DMBT1: variants seen among roughly 807,000 people sequenced by gnomAD.
DMBT1 encodes scavenger receptor cysteine-rich domain-containing protein DMBT1.
A neutral mutation model predicts 252.9 loss-of-function variants in DMBT1; 198 were observed. The observed-to-expected ratio is 0.78, with a 90% CI of 0.70 to 0.88. The LOEUF (loss-of-function observed/expected upper bound fraction) is 0.88. Among genes scored for constraint, DMBT1 ranks in the 40% least tolerant of loss-of-function variants. DMBT1 has a pLI of 0.00. For missense variants in DMBT1, 2,432 were observed against 2,404.7 expected, an observed-to-expected ratio of 1.01 and a Z score of -0.24; for synonymous variants, 990 against 942.7, an observed-to-expected ratio of 1.05 and a Z score of -0.92.
chr10:122,619,383 C>G, intron 42 of DMBT1, 46 bp downstream of exon 42: 1 of 1,612,442 alleles, frequency 6.2e-7, no homozygotes, highest in Non-Finnish European at 8.5e-7. Flanking sequence ...CTCTTTCTGC[C>G]CAGTTACCTC....
chr10:122,618,833 G>T (rs1265373371), intron 41 of DMBT1, among the ~76,000 whole-genome samples: 1 of 152,238 alleles, frequency 6.6e-6, no homozygotes, highest in Non-Finnish European at 1.5e-5. Flanking sequence ...TTTGTGTCAG[G>T]CCTGCTTGGA....
intron 54 of DMBT1, among the ~76,000 whole-genome samples, chr10:122,639,039 T>C (rs1225517554): frequency 6.6e-6 from 1 of 152,154 alleles, no homozygotes; most frequent in East Asian, 1.9e-4. Flanking sequence ...GACATAGAAG[T>C]AGGGCTGTGC....
chr10:122,578,787 G>T, intron 9 of DMBT1, 28 bp downstream of exon 9: 1 of 1,590,494 alleles, frequency 6.3e-7, no homozygotes. Context: ...CACTCCCTGG[G>T]GCTCACTTTC....
At position 122,576,197 on chromosome 10, in the gene DMBT1, G is replaced by A. The variant is rs528834639; in HGVS notation, c.284-202G>A. ...AGCCTTTTATTCTGCTCCAGCTGAA[G>A]CTCTAAGGCTTGGGTTTGGGCCAAG... On this transcript the variant is annotated intron_variant, in intron 6 of 55. Transcript: ENST00000338354. Among the ~76,000 whole-genome samples the A allele has an allele frequency of 3.9e-5, 6 of 152,284 alleles. No individual in the cohort carries two copies. In the South Asian group the frequency reaches 1.2e-3, roughly 32 times the overall value.
At chr10:122,567,221 G>A (rs3019523) in intron 2 of DMBT1, among the ~76,000 whole-genome samples, 101,965 of 152,092 alleles carry the variant, frequency 0.67, 34,546 homozygotes, top group East Asian at 0.78. Flanking sequence ...CAGGGAGACC[G>A]AGCACTCTCC....
Position 122,599,923 on chromosome 10 carries a change from G to A in DMBT1, c.3281-141G>A, listed in dbSNP as rs183927396. ...TTACATGGTGCATCTCTGTGGGGAT[G>A]TGCATGGCAATGCCCCTCCCTGTGT... On this transcript the variant is annotated intron_variant, in intron 26 of 55. Coordinates refer to ENST00000338354, the MANE Select transcript of DMBT1 (RefSeq NM_001377530.1). 591 of 1,264,260 alleles carry A rather than the reference G, an allele frequency of 4.7e-4. 4 individuals are homozygous for A. In the African/African-American group the frequency reaches 7.6e-3, roughly 16 times the overall value. The allele number at this position is 1,264,260 out of a possible 1,614,324, so 78.3% of individuals were successfully genotyped here.
intron 1 of DMBT1, among the ~76,000 whole-genome samples, chr10:122,563,789 T>C (rs2097567950): frequency 6.6e-6 from 1 of 152,248 alleles, no homozygotes; most frequent in East Asian, 1.9e-4. Flanking sequence ...CAATGTGGTG[T>C]TCCATGCTGT....
intron 19 of DMBT1, among the ~76,000 whole-genome samples, 152 bp from the exon 20 acceptor site, chr10:122,592,120 T>G (rs1246296168): frequency 6.7e-6 from 1 of 148,466 alleles, no homozygotes; most frequent in Non-Finnish European, 1.5e-5. Flanking sequence ...CCTTCCAGTA[T>G]GATGAAGCTG....
Position 122,572,306 on chromosome 10 carries a change from C to A in DMBT1, c.188-8C>A. On this transcript the variant is annotated splice_polypyrimidine_tract_variant and splice_region_variant and intron_variant, in intron 4 of 55. Transcript: ENST00000338354. ...CATCAATGAGCTCTTCCTTTCTCCACCCTGCAGGTTCTCCGATTTCCTTGG... is the reference window on the plus strand; with the variant it reads ...CATCAATGAGCTCTTCCTTTCTCCAACCTGCAGGTTCTCCGATTTCCTTGG... The A allele has an allele frequency of 6.2e-7, 1 of 1,613,276 alleles. No individual in the cohort carries two copies. Among genetic ancestry groups the A allele is most frequent in the East Asian group, 2.2e-5 (1 of 44,866 alleles).
intron 9 of DMBT1, 58 bp from the exon 10 acceptor site, chr10:122,579,515 ACTTAC>A: frequency 6.2e-7 from 1 of 1,609,736 alleles, no homozygotes; most frequent in Non-Finnish European, 8.5e-7. Context: ...TGAGTGTGGA[ACTTAC>A]CTTAGATTCT....
intron 52 of DMBT1, among the ~76,000 whole-genome samples, chr10:122,633,817 A>G (rs1462492220): frequency 1.3e-5 from 2 of 152,220 alleles, no homozygotes; most frequent in Admixed American, 6.5e-5. Flanking sequence ...CTTAGGGGCA[A>G]TAATAGCACT....
intron 42 of DMBT1, 138 bp downstream of exon 42, chr10:122,619,475 G>A (rs1261680914): frequency 2.1e-5 from 24 of 1,129,954 alleles, no homozygotes; most frequent in Middle Eastern, 2.0e-4. Context: ...CTCTGTAACT[G>A]AGACCCCAGC....
chr10:122,599,849 G>T (rs962181938), intron 26 of DMBT1, among the ~76,000 whole-genome samples: 8 of 151,978 alleles, frequency 5.3e-5, no homozygotes, highest in Non-Finnish European at 8.8e-5. Flanking sequence ...GCAGACACAA[G>T]TTGATCACCT....
intron 26 of DMBT1, 72 bp downstream of exon 26, chr10:122,599,169 C>T: frequency 6.2e-7 from 1 of 1,607,704 alleles, no homozygotes; most frequent in Non-Finnish European, 8.5e-7. Context: ...TAATTACATT[C>T]TGATCTCCTC....
chr10:122,588,824 T>C, intron 16 of DMBT1, 120 bp from the exon 17 acceptor site: 1 of 1,510,692 alleles, frequency 6.6e-7, no homozygotes, highest in Non-Finnish European at 9.0e-7. Flanking sequence ...CAGTCATCTT[T>C]AATCGTGACT....
intron 54 of DMBT1, among the ~76,000 whole-genome samples, chr10:122,639,379 C>T (rs1844079095): frequency 6.6e-6 from 1 of 152,036 alleles, no homozygotes; most frequent in Non-Finnish European, 1.5e-5. Flanking sequence ...TACCTGGGTG[C>T]AGGTGGGCTG....
Position 122,640,165 on chromosome 10 carries a change from C to T in DMBT1, c.7068C>T (p.Asp2356=). The change falls in exon 55 of 56, where the codon GAC becomes GAT. Residue 2356 remains aspartate (D), a synonymous_variant. Coordinates refer to ENST00000338354, the MANE Select transcript of DMBT1 (RefSeq NM_001377530.1). ...GAATGCTTCAGAACACCTGGGTCGA[C>T]ACCATGTACATTGCTAATGACACCA... ...SCRMLQNTWV[D]TMYIANDTIH... 5.0e-6 allele frequency: 8 copies of T among 1,614,086 alleles called. No individual in the cohort carries two copies. Among genetic ancestry groups the T allele is most frequent in the Non-Finnish European group, 5.9e-6 (7 of 1,179,902 alleles).
chr10:122,631,420 G>A (rs984836064), intron 49 of DMBT1, 139 bp downstream of exon 49: 2 of 1,078,674 alleles, frequency 1.9e-6, no homozygotes, highest in Admixed American at 2.4e-5. Flanking sequence ...CTCCAGAAGA[G>A]CATGCAGGGG....
rs369524428 is a variant in DMBT1 at position 122,591,534 on chromosome 10, C to T, written c.2176+17C>T. The T allele has an allele frequency of 1.8e-5, 28 of 1,580,988 alleles. 1 individual carries two copies. In the African/African-American group the frequency reaches 3.5e-4, roughly 20 times the overall value. On this transcript the variant is annotated intron_variant, in intron 19 of 55. Coordinates refer to ENST00000338354, the MANE Select transcript of DMBT1 (RefSeq NM_001377530.1). ...CGACAGTAGGTAAATAATCCTCTCA[C>T]CCCTCCCTAGGGCTCACTCTCTACC... is the stretch of plus-strand genomic sequence containing the variant.
Sources: allele counts gnomAD v4.1 joint callset (sites outside exome capture counted in the v4.1 genomes callset), GRCh38; gene constraint gnomAD v4.1.1; transcripts MANE v1.5; gene names NCBI Gene and HGNC (gene_info 2026-07-23, HGNC 2026-07-21).